KIRREL3: variants seen among roughly 807,000 people sequenced by gnomAD.
KIRREL3 encodes the protein kin of IRRE-like protein 3.
In KIRREL3, 36 loss-of-function variants were observed where a neutral mutation model predicts 89.7. That is an observed-to-expected ratio of 0.40 (90% CI 0.31 to 0.53). The LOEUF (loss-of-function observed/expected upper bound fraction) is 0.53. Among genes scored for constraint, KIRREL3 ranks in the 20% least tolerant of loss-of-function variants. KIRREL3 has a pLI of 0.49. For missense variants in KIRREL3, 864 were observed against 1,056.6 expected (o/e 0.82, Z 2.53); for synonymous variants, 445 against 441.4 (o/e 1.01, Z -0.10).
Position 126,521,210 on chromosome 11 carries a change from C to T in KIRREL3, c.433+105G>A. On this transcript the variant is annotated intron_variant, in intron 4 of 16. Coordinates refer to ENST00000525144, the MANE Select transcript of KIRREL3 (RefSeq NM_032531.4). The surrounding 1 kb of genome is among the most constrained non-coding windows in gnomAD (Gnocchi z 4.1). ...AGTGTCTGGAGCCCTGTGGGATGAT[C>T]CCCAGAGGGGAGTCTCCCCATGTCT... The T allele has an allele frequency of 8.1e-7, 1 of 1,229,072 alleles. No homozygotes were observed. Among genetic ancestry groups the T allele is most frequent in the Non-Finnish European group, 1.1e-6 (1 of 924,906 alleles). 76.1% of individuals were successfully genotyped at this position (1,229,072 alleles called of 1,614,324 possible). A position where few individuals can be genotyped will look rare whatever the true frequency, so the allele number is the denominator to read the frequency against.
At position 126,563,018 on chromosome 11, in the gene KIRREL3, G is replaced by T. The variant is rs928979160; in HGVS notation, c.56-106C>A. ...GAGCTTGTTGCTCTTATAAACAGAGGTGCTTTTGTTTAGCCAACATTTATA... is the reference window on the plus strand; with the variant it reads ...GAGCTTGTTGCTCTTATAAACAGAGTTGCTTTTGTTTAGCCAACATTTATA... On this transcript the variant is annotated intron_variant, in intron 1 of 16. Transcript: ENST00000525144. The surrounding 1 kb of genome is among the most constrained non-coding windows in gnomAD (Gnocchi z 6.8). 2.4e-5 allele frequency: 17 copies of T among 698,032 alleles called. No homozygotes were observed. Among genetic ancestry groups the T allele is most frequent in the Non-Finnish European group, 3.8e-5 (16 of 419,216 alleles). The allele number at this position is 698,032 out of a possible 1,614,324, so 43.2% of individuals were successfully genotyped here. A position where few individuals can be genotyped will look rare whatever the true frequency, so the allele number is the denominator to read the frequency against.
At chr11:126,567,416 A>C (rs1191052950) in intron 1 of KIRREL3, among the ~76,000 whole-genome samples, 1 of 152,220 alleles carries the variant, frequency 6.6e-6, no homozygotes, top group Non-Finnish European at 1.5e-5. Flanking sequence ...TTGGACCTCC[A>C]GTCTCCAGAA....
At position 126,734,929 on chromosome 11, in the gene KIRREL3, G is replaced by T. The variant is rs1360415524; in HGVS notation, c.56-172017C>A. ...TGTGGTTGGAACGGTGCTGTCTTCT[G>T]GTCCAGCTGTGCCTGGCTCCGACCA... On this transcript the variant is annotated intron_variant, in intron 1 of 16. Transcript: ENST00000525144. This position sits in a 1 kb window ranked among gnomAD's most constrained non-coding sequence, Gnocchi z 5.9. Among the ~76,000 whole-genome samples the T allele has an allele frequency of 1.3e-5, 2 of 152,156 alleles. No homozygotes were observed. Among genetic ancestry groups the T allele is most frequent in the Non-Finnish European group, 2.9e-5 (2 of 68,034 alleles).
At chr11:126,907,215 G>A (rs921485860) in intron 1 of KIRREL3, among the ~76,000 whole-genome samples, 3 of 152,214 alleles carry the variant, frequency 2.0e-5, no homozygotes, top group Non-Finnish European at 4.4e-5. Context: ...ATTGGATAAG[G>A]TGAGTGAACC....
intron 5 of KIRREL3, among the ~76,000 whole-genome samples, chr11:126,472,139 G>C (rs1418861794): frequency 6.6e-6 from 1 of 152,212 alleles, no homozygotes; most frequent in African/African-American, 2.4e-5. Flanking sequence ...GTCTTCTTTA[G>C]TATAAGTATG....
chr11:126,987,183 C>T lies in KIRREL3; in HGVS notation c.55+13272G>A, dbSNP rs538024276. On this transcript the variant is annotated intron_variant, in intron 1 of 16. Coordinates refer to ENST00000525144, the MANE Select transcript of KIRREL3 (RefSeq NM_032531.4). The surrounding 1 kb of genome is among the most constrained non-coding windows in gnomAD (Gnocchi z 4.6). Reference sequence around the variant, plus strand: ...GTGAGATAATTACCTGTCAGGAACACGCAAAGGGAGTCTACACCTAGAATT... The same window carrying T: ...GTGAGATAATTACCTGTCAGGAACATGCAAAGGGAGTCTACACCTAGAATT... Among the ~76,000 whole-genome samples the T allele has an allele frequency of 6.6e-5, 10 of 152,014 alleles. No homozygotes were observed. Among genetic ancestry groups the T allele is most frequent in the African/African-American group, 1.2e-4 (5 of 41,358 alleles).
At chr11:126,915,542 G>C (rs779097737) in intron 1 of KIRREL3, among the ~76,000 whole-genome samples, 1 of 152,142 alleles carries the variant, frequency 6.6e-6, no homozygotes, top group Non-Finnish European at 1.5e-5. Context: ...GGCATCATAG[G>C]CTTCCTTTGC....
intron 10 of KIRREL3, among the ~76,000 whole-genome samples, chr11:126,442,076 G>A (rs1955587011): frequency 6.6e-6 from 1 of 151,866 alleles, no homozygotes; most frequent in South Asian, 2.1e-4. Context: ...TTCAAGACCA[G>A]CCTGGCCAAT....
In KIRREL3 at chr11:126,588,516, GGC is replaced by G. The variant is rs1941981939; in HGVS notation, c.56-25606_56-25605del. 2.6e-5 allele frequency among the ~76,000 whole-genome samples: 4 copies of G among 152,094 alleles called. No homozygotes were observed. The South Asian group carries it at 8.3e-4, about 32-fold the overall frequency. Reference sequence around the variant, plus strand: ...GGTGGAGCCTTGCTGCGGGCCCTGAGGCAGGGAGGGGAAGGAGAGGAGGAGTC... The same window carrying G: ...GGTGGAGCCTTGCTGCGGGCCCTGAGAGGGAGGGGAAGGAGAGGAGGAGTC... On this transcript the variant is annotated intron_variant, in intron 1 of 16. Transcript: ENST00000525144.
rs36043250 is a variant in KIRREL3, at chr11:126,620,187, A to AT, written c.56-57276dup. Among the ~76,000 whole-genome samples, 29,197 of 151,846 alleles carry AT rather than the reference A, an allele frequency of 0.19. 3,086 individuals are homozygous for AT. The highest frequency in any genetic ancestry group is 0.44 in the South Asian group (2,138 of 4,806). ...CAAGGCTACTTTCTTCCTTCTTAAA[A>AT]TTTTTCCAATCAGCTATTATAGTTC... is the stretch of plus-strand genomic sequence containing the variant. On this transcript the variant is annotated intron_variant, in intron 1 of 16. Coordinates refer to ENST00000525144, the MANE Select transcript of KIRREL3 (RefSeq NM_032531.4). This position sits in a 1 kb window ranked among gnomAD's most constrained non-coding sequence, Gnocchi z 4.8.
At chr11:126,798,658 C>T (rs1950888829) in intron 1 of KIRREL3, among the ~76,000 whole-genome samples, 3 of 152,094 alleles carry the variant, frequency 2.0e-5, no homozygotes, top group South Asian at 4.1e-4. Flanking sequence ...TGTGGCCTGC[C>T]CTTCCAGGTT....
rs895098913 is a variant in KIRREL3 at position 126,576,776 on chromosome 11, T to A, written c.56-13864A>T. On this transcript the variant is annotated intron_variant, in intron 1 of 16. Coordinates refer to ENST00000525144, the MANE Select transcript of KIRREL3 (RefSeq NM_032531.4). This position sits in a 1 kb window ranked among gnomAD's most constrained non-coding sequence, Gnocchi z 5.4. ...TTGATGCACACTGAGAGGGTCCTTT[T>A]TAATCAGCTGAGGAGCAAGGGATTC... Among the ~76,000 whole-genome samples the A allele has an allele frequency of 6.6e-5, 10 of 152,202 alleles. No individual in the cohort carries two copies. Among genetic ancestry groups the A allele is most frequent in the Non-Finnish European group, 1.3e-4 (9 of 68,042 alleles).
At chr11:126,781,709 A>G (rs1031226814) in intron 1 of KIRREL3, among the ~76,000 whole-genome samples, 1 of 152,196 alleles carries the variant, frequency 6.6e-6, no homozygotes, top group African/African-American at 2.4e-5. Flanking sequence ...CCTTCGGCCC[A>G]TGCATCACGC....
rs1949417111 is a variant in KIRREL3, at chr11:126,754,019, C to G, written c.56-191107G>C. Among the ~76,000 whole-genome samples the G allele has an allele frequency of 6.6e-6, 1 of 152,154 alleles. No homozygotes were observed. Among genetic ancestry groups the G allele is most frequent in the Admixed American group, 6.5e-5 (1 of 15,274 alleles). On this transcript the variant is annotated intron_variant, in intron 1 of 16. Coordinates refer to ENST00000525144, the MANE Select transcript of KIRREL3 (RefSeq NM_032531.4). The surrounding 1 kb of genome is among the most constrained non-coding windows in gnomAD (Gnocchi z 5.1). ...AATAGCCTACTTTGTCACTATTTAT[C>G]ATTCTTAGTTAACAATGTAAGATAC...
At chr11:126,450,940 G>C (rs904629405) in intron 7 of KIRREL3, among the ~76,000 whole-genome samples, 2 of 123,108 alleles carry the variant, frequency 1.6e-5, no homozygotes, top group Admixed American at 1.6e-4. Flanking sequence ...CATGTGTGTG[G>C]GCGTGTGTGC....
At chr11:126,446,148 CAA>C (rs56820180) in intron 9 of KIRREL3, among the ~76,000 whole-genome samples, 2,640 of 83,202 alleles carry the variant, frequency 0.032, 89 homozygotes, top group African/African-American at 0.11. Flanking sequence ...AACTCCATCT[CAA>C]AAAAAAAAAA....
chr11:126,435,048 C>T (rs1013172807), intron 13 of KIRREL3, among the ~76,000 whole-genome samples: 3 of 152,084 alleles, frequency 2.0e-5, no homozygotes, highest in African/African-American at 4.8e-5. Flanking sequence ...TTGTGGGTTC[C>T]GGCGGCAGGC....
At chr11:126,789,871 T>A (rs749640542) in intron 1 of KIRREL3, among the ~76,000 whole-genome samples, 13 of 152,216 alleles carry the variant, frequency 8.5e-5, no homozygotes, top group Non-Finnish European at 1.8e-4. Flanking sequence ...GGCTGTACTC[T>A]CTTTCATAAT....
intron 1 of KIRREL3, among the ~76,000 whole-genome samples, chr11:126,939,946 A>G (rs1948369629): frequency 6.6e-6 from 1 of 152,144 alleles, no homozygotes; most frequent in African/African-American, 2.4e-5. Flanking sequence ...GAAACCCAGT[A>G]CAAATAAAAA....
Sources: allele counts gnomAD v4.1 joint callset (sites outside exome capture counted in the v4.1 genomes callset), GRCh38; gene constraint gnomAD v4.1.1; non-coding constraint Gnocchi (gnomAD v3.1); transcripts MANE v1.5; gene names NCBI Gene and HGNC (gene_info 2026-07-23, HGNC 2026-07-21).